NOS2: variants seen among roughly 807,000 people sequenced by gnomAD.
The protein encoded by NOS2 is nitric oxide synthase, inducible.
Under a neutral mutation model 136.0 loss-of-function variants are expected in NOS2, and 96 were observed. The observed-to-expected ratio is 0.71, with a 90% CI of 0.60 to 0.84. NOS2 has a LOEUF of 0.84. NOS2 is among the 40% of genes least tolerant of loss of function. The pLI, the probability that NOS2 is intolerant of heterozygous loss-of-function variation, is 0.00. For missense variants in NOS2, 1,237 were observed against 1,496.9 expected (o/e 0.83, Z 2.87); for synonymous variants, 539 against 587.5 (o/e 0.92, Z 1.20).
intron 4 of NOS2, 135 bp from the exon 5 acceptor site, chr17:27,787,961 A>T: frequency 1.2e-6 from 1 of 861,278 alleles, no homozygotes; most frequent in Non-Finnish European, 1.7e-6. Flanking sequence ...CCCCTGTGGC[A>T]CCTCCTCCTT....
At chr17:27,796,668 C>T (rs546516320) in intron 2 of NOS2, among the ~76,000 whole-genome samples, 19 of 152,012 alleles carry the variant, frequency 1.2e-4, no homozygotes, top group Non-Finnish European at 1.8e-4. Context: ...GGAGCCACTG[C>T]AGGCTCTAGA....
intron 5 of NOS2, among the ~76,000 whole-genome samples, chr17:27,784,176 A>AC (rs1908944150): frequency 7.0e-6 from 1 of 142,966 alleles, no homozygotes; most frequent in African/African-American, 2.6e-5. Context: ...ACCACCACCA[A>AC]CAACAACAAC....
intron 3 of NOS2, 48 bp downstream of exon 3, chr17:27,789,556 C>A: frequency 7.0e-7 from 1 of 1,423,402 alleles, no homozygotes; most frequent in Non-Finnish European, 9.9e-7. Context: ...TCTGCATCTG[C>A]CTGGACCAGG....
chr17:27,765,785 G>C, intron 19 of NOS2, 69 bp from the exon 20 acceptor site: 1 of 1,454,542 alleles, frequency 6.9e-7, no homozygotes. Context: ...ATGGGCAGGC[G>C]AGATTCCCCA....
chr17:27,772,381 G>T lies in NOS2; in HGVS notation c.1631C>A (p.Ala544Glu). 1 of 1,614,098 alleles carries T rather than the reference G, an allele frequency of 6.2e-7. No homozygotes were observed. The highest frequency in any genetic ancestry group is 8.5e-7 in the Non-Finnish European group (1 of 1,180,020). Residue 544 changes from alanine (A) to glutamate (E), a missense_variant, in exon 14 of 27, where the codon GCG (alanine) becomes GAG (glutamate). Around this residue, in one of 3 missense-constraint regions of NOS2, gnomAD observed 782 missense variants for 909.9 expected, o/e 0.86. Transcript: ENST00000313735. ...ASRVRVTILF[A>E]TETGKSEALA... ...CGCCTCTGATTTTCCTGTCTCTGTC[G>T]CAAAGAGGATGGTGACTCTGACTCG...
rs3729662 is a variant in NOS2 at position 27,758,905 on chromosome 17, G to C, written c.3330C>G (p.Val1110=). 1 of 1,606,676 alleles carries C rather than the reference G, an allele frequency of 6.2e-7. No individual in the cohort carries two copies. The highest frequency in any genetic ancestry group is 1.3e-5 in the African/African-American group (1 of 74,792). The change falls in exon 26 of 27, where the codon GTC becomes GTG. Residue 1110 remains valine, a synonymous_variant. Coordinates refer to ENST00000313735, the MANE Select transcript of NOS2 (RefSeq NM_000625.4). ...AAKLKLNEEQ[V]EDYFFQLKSQ... is the part of the protein sequence containing the mutation. ...CCTTGAGCTGAAAGAAATAGTCCTC[G>C]ACCTGCTCCTCATTCAATTTCAGCT...
rs559115253 is a variant in NOS2 at position 27,768,932 on chromosome 17, C to T, written c.2034+45G>A. ...CACAGATGTCCTAGGCATGAATGCA[C>T]CCTGTCATGTCCCTGCTGTGGGGCA... On this transcript the variant is annotated intron_variant, in intron 17 of 26. Transcript: ENST00000313735. 4 of 1,531,084 alleles carry T rather than the reference C, an allele frequency of 2.6e-6. No individual in the cohort carries two copies. In the South Asian group the frequency reaches 3.8e-5, roughly 15 times the overall value. The allele number at this position is 1,531,084 out of a possible 1,614,324, so 94.8% of individuals were successfully genotyped here.
At chr17:27,787,879 C>G in intron 4 of NOS2, 53 bp from the exon 5 acceptor site, 1 of 1,556,766 alleles carries the variant, frequency 6.4e-7, no homozygotes. Flanking sequence ...TCTTGCCACC[C>G]TCCTCTGGGG....
chr17:27,760,008 C>T, intron 25 of NOS2, 22 bp downstream of exon 25: 1 of 1,498,164 alleles, frequency 6.7e-7, no homozygotes, highest in East Asian at 2.5e-5. Context: ...TAATGCTTCA[C>T]CTGCTTTGAG....
chr17:27,779,969 A>G (rs1908791258), intron 9 of NOS2, among the ~76,000 whole-genome samples: 2 of 152,092 alleles, frequency 1.3e-5, no homozygotes, highest in Non-Finnish European at 2.9e-5. Context: ...GTGAACAGAA[A>G]AGAAAAGATC....
chr17:27,780,989 C>G, intron 8 of NOS2, 47 bp downstream of exon 8: 1 of 1,603,166 alleles, frequency 6.2e-7, no homozygotes, highest in African/African-American at 1.3e-5. Context: ...TCGCTCACCA[C>G]GGGGCTCCCC....
At chr17:27,795,484 G>T (rs1457726946) in intron 2 of NOS2, among the ~76,000 whole-genome samples, 5 of 152,230 alleles carry the variant, frequency 3.3e-5, no homozygotes, top group African/African-American at 1.2e-4. Flanking sequence ...ATGAGCAGAA[G>T]GGTTTCATTG....
In NOS2 at chr17:27,774,284, G is replaced by A. The variant is rs200787576; in HGVS notation, c.1449C>T (p.Tyr483=). 3.0e-5 allele frequency: 46 copies of A among 1,536,202 alleles called. No individual in the cohort carries two copies. The highest frequency in any genetic ancestry group is 6.9e-5 in the African/African-American group (5 of 72,054). ...GATAGTAGTAGAAAGGGGACAGGAC[G>A]TAGTTCAGCATCTCCTGGTGAAACA... ...TPVFHQEMLN[Y]VLSPFYYYQV... The change falls in exon 12 of 27, where the codon TAC becomes TAT. Residue 483 remains tyrosine (Y), a synonymous_variant. Transcript: ENST00000313735.
chr17:27,767,761 C>G lies in NOS2; in HGVS notation c.2111G>C (p.Trp704Ser). Residue 704 changes from tryptophan to serine, a missense_variant, in exon 18 of 27, where the codon TGG (tryptophan) becomes TCG (serine). Trp to Ser is a radical substitution (Grantham distance 177). Coordinates refer to ENST00000313735, the MANE Select transcript of NOS2 (RefSeq NM_000625.4). ...IPKLYTSNVT[W>S]DPHHYRLVQD... The stretch of plus-strand genomic sequence containing the variant: ...CACGAGCCTGTAGTGGTGCGGGTCC[C>G]AGGTCACATTGGAGGTGTAGAGCTT... 1 of 1,613,414 alleles carries G rather than the reference C, an allele frequency of 6.2e-7. No homozygotes were observed. The highest frequency in any genetic ancestry group is 2.2e-5 in the East Asian group (1 of 44,888).
chr17:27,760,481 C>T (rs1419251919), intron 24 of NOS2, 142 bp downstream of exon 24: 5 of 1,136,984 alleles, frequency 4.4e-6, no homozygotes, highest in Non-Finnish European at 5.0e-6. Flanking sequence ...CCATTCTAAC[C>T]CGCAGAGGCC....
At chr17:27,795,238 A>G (rs533046651) in intron 2 of NOS2, among the ~76,000 whole-genome samples, 6 of 152,340 alleles carry the variant, frequency 3.9e-5, no homozygotes, top group African/African-American at 1.2e-4. Flanking sequence ...ACAGTGCAGC[A>G]CACAGTAGGC....
At chr17:27,766,658 G>T in intron 18 of NOS2, 70 bp from the exon 19 acceptor site, 1 of 1,236,184 alleles carries the variant, frequency 8.1e-7, no homozygotes, top group Non-Finnish European at 1.2e-6. Flanking sequence ...GCCCCCAGAT[G>T]TCTGAGTCAG....
chr17:27,767,925 T>TGGTAA, intron 17 of NOS2, 88 bp from the exon 18 acceptor site: 4 of 1,524,370 alleles, frequency 2.6e-6, no homozygotes, highest in Non-Finnish European at 2.7e-6. Flanking sequence ...GCCCTTACCA[T>TGGTAA]GGGCCAAACA....
intron 2 of NOS2, among the ~76,000 whole-genome samples, chr17:27,795,955 C>T (rs1909341507): frequency 6.6e-6 from 1 of 152,120 alleles, no homozygotes; most frequent in Admixed American, 6.5e-5. Context: ...CCCCCAAAGA[C>T]ATAGGGATAA....
Sources: allele counts gnomAD v4.1 joint callset (sites outside exome capture counted in the v4.1 genomes callset), GRCh38; gene constraint gnomAD v4.1.1; regional missense constraint gnomAD v4.1.1; transcripts MANE v1.5; gene names NCBI Gene and HGNC (gene_info 2026-07-23, HGNC 2026-07-21).